The following MYO15A variants were observed in gnomAD, a reference collection of about 807,000 sequenced individuals.
The protein encoded by MYO15A is unconventional myosin-XV.
A neutral mutation model predicts 394.6 loss-of-function variants in MYO15A; 308 were observed. The observed-to-expected ratio is 0.78, with a 90% CI of 0.71 to 0.86. The LOEUF (loss-of-function observed/expected upper bound fraction) is 0.86, where lower values mean the gene tolerates loss of function less well. Ranked by LOEUF, MYO15A falls within the 40% of genes least tolerant of loss-of-function variation. The pLI is 0.00. For synonymous variants in MYO15A, 1,957 were observed against 2,003.8 expected (o/e 0.98, Z 0.62); for missense variants, 4,606 against 4,799.1 (o/e 0.96, Z 1.19).
intron 62 of MYO15A, among the ~76,000 whole-genome samples, chr17:18,171,245 G>A (rs1298573694): frequency 1.3e-5 from 2 of 152,172 alleles, no homozygotes; most frequent in Non-Finnish European, 2.9e-5. Flanking sequence ...TGCCTACCCT[G>A]ATGTTTCCTC....
chr17:18,141,194 C>A, intron 22 of MYO15A, 51 bp downstream of exon 22: 1 of 1,609,704 alleles, frequency 6.2e-7, no homozygotes, highest in Non-Finnish European at 8.5e-7. Context: ...GCCCAACTCC[C>A]CATGGCCCCA....
intron 8 of MYO15A, 29 bp downstream of exon 8, chr17:18,130,839 T>TGTGTGA: frequency 2.0e-6 from 3 of 1,511,244 alleles, no homozygotes. Context: ...TGTGTGTGTG[T>TGTGTGA]GTGTGTGTGT....
At position 18,131,285 on chromosome 17, in the gene MYO15A, C is replaced by A; in HGVS notation, c.4085C>A (p.Thr1362Asn). 6.2e-7 allele frequency: 1 copy of A among 1,614,018 alleles called. No homozygotes were observed. Among genetic ancestry groups the A allele is most frequent in the Non-Finnish European group, 8.5e-7 (1 of 1,179,968 alleles). ...TTGGAGTCCTTCGGTAATGCCAAAACCGTCAGGAACGACAACTCCAGCCGC... is the reference window on the plus strand; with the variant it reads ...TTGGAGTCCTTCGGTAATGCCAAAAACGTCAGGAACGACAACTCCAGCCGC... ...PLLESFGNAK[T>N]VRNDNSSRFG... The change falls in exon 9 of 66, where the codon ACC (threonine) becomes AAC (asparagine). Residue 1362 changes from threonine to asparagine, a missense_variant. By Grantham distance (65) the Thr-to-Asn change is moderately conservative. Transcript: ENST00000647165.
intron 56 of MYO15A, chr17:18,161,081 G>A (rs1171659931): frequency 1.5e-5 from 10 of 676,110 alleles, no homozygotes; most frequent in East Asian, 5.5e-5. Flanking sequence ...GGAAAGAGTC[G>A]CAGTGCTTCC....
intron 29 of MYO15A, among the ~76,000 whole-genome samples, chr17:18,145,060 A>G (rs946983763): frequency 6.6e-6 from 1 of 152,116 alleles, no homozygotes; most frequent in Non-Finnish European, 1.5e-5. Flanking sequence ...GAGAGTGGAG[A>G]AAGTACACAG....
rs566030709 is a variant in MYO15A at position 18,141,819 on chromosome 17, G to T, written c.5649+49G>T. 18 of 1,568,148 alleles carry T rather than the reference G, an allele frequency of 1.1e-5. No individual in the cohort carries two copies. In the Admixed American group the frequency reaches 2.0e-4, roughly 17 times the overall value. On this transcript the variant is annotated intron_variant, in intron 23 of 65. Transcript: ENST00000647165. ...CCTTGGAGACCCCAAGTTTGGGGGGGTCCACAACTACTGAGTCAGAAATGT... is the reference window on the plus strand; with the variant it reads ...CCTTGGAGACCCCAAGTTTGGGGGGTTCCACAACTACTGAGTCAGAAATGT...
intron 50 of MYO15A, chr17:18,157,477 ACCTGAGAGT>A: frequency 1.1e-6 from 1 of 893,496 alleles, no homozygotes; most frequent in Non-Finnish European, 1.7e-6. Flanking sequence ...TCTCCACATG[ACCTGAGAGT>A]CCACAAACCC....
At chr17:18,133,086 C>A in intron 11 of MYO15A, 139 bp from the exon 12 acceptor site, 9 of 837,994 alleles carry the variant, frequency 1.1e-5, no homozygotes, top group Non-Finnish European at 1.6e-5. Context: ...GTGCTCAGAG[C>A]CTCCGTGCCC....
chr17:18,163,181 G>A, intron 58 of MYO15A, 63 bp from the exon 59 acceptor site: 2 of 1,553,594 alleles, frequency 1.3e-6, no homozygotes, highest in Non-Finnish European at 1.8e-6. Flanking sequence ...CAGGGCAGGA[G>A]ACAAGGGCTG....
intron 59 of MYO15A, 76 bp downstream of exon 59, chr17:18,163,397 G>A (rs1044169062): frequency 1.3e-5 from 19 of 1,455,466 alleles, no homozygotes; most frequent in South Asian, 4.6e-5. Context: ...CAGGATGGGG[G>A]TGGAGTAAGC....
At chr17:18,141,879 G>C (rs1045872173) in intron 23 of MYO15A, 109 bp downstream of exon 23, 12 of 1,291,414 alleles carry the variant, frequency 9.3e-6, no homozygotes, top group Non-Finnish European at 1.3e-5. Context: ...GAGCAACCCA[G>C]ATGAGCTTGG....
chr17:18,150,791 GGTGGA>G lies in MYO15A; in HGVS notation c.7395+28_7395+32del, dbSNP rs1388505828. ...GTGAGTGAGGGAGGGACTGCTGGGGGGTGGAGAATGGACCTGCCTGGTCACCACTG... is the reference window on the plus strand; with the variant it reads ...GTGAGTGAGGGAGGGACTGCTGGGGGGAATGGACCTGCCTGGTCACCACTG... On this transcript the variant is annotated intron_variant, in intron 37 of 65. Transcript: ENST00000647165. This position sits in a 1 kb window ranked among gnomAD's most constrained non-coding sequence, Gnocchi z 4.4. The G allele has an allele frequency of 1.3e-6, 2 of 1,581,554 alleles. No individual in the cohort carries two copies. Among genetic ancestry groups the G allele is most frequent in the Admixed American group, 3.6e-5 (2 of 55,666 alleles).
chr17:18,114,805 G>A (rs2045764702), intron 1 of MYO15A, among the ~76,000 whole-genome samples: 2 of 152,074 alleles, frequency 1.3e-5, no homozygotes, highest in Non-Finnish European at 2.9e-5. Flanking sequence ...CTGGCTTCGT[G>A]GTGCTCACTC....
intron 1 of MYO15A, among the ~76,000 whole-genome samples, chr17:18,113,739 C>CAA (rs72282387): frequency 3.3e-5 from 4 of 119,414 alleles, no homozygotes; most frequent in Admixed American, 8.6e-5. Flanking sequence ...GAGACTGTCT[C>CAA]AAAAAAAAAA....
At chr17:18,130,868 G>GTGTGTC (rs1403173028) in intron 8 of MYO15A, 58 bp downstream of exon 8, 100 of 1,446,158 alleles carry the variant, frequency 6.9e-5, no homozygotes, top group African/African-American at 6.2e-4. Flanking sequence ...GTGTGTGTGT[G>GTGTGTC]TGTCTGTCCA....
At chr17:18,165,515 G>C (rs1290431765) in intron 60 of MYO15A, among the ~76,000 whole-genome samples, 2 of 152,162 alleles carry the variant, frequency 1.3e-5, no homozygotes, top group Admixed American at 6.5e-5. Context: ...CTCCTCCTCT[G>C]ATTCTGACCC....
In MYO15A at chr17:18,171,661, C is replaced by T; in HGVS notation, c.10106C>T (p.Pro3369Leu). ...AGGCGGGAAGTCCAGGAGTACATCCCAGCCCAGCTCTACCGTACAACGGCA... is the reference window on the plus strand; with the variant it reads ...AGGCGGGAAGTCCAGGAGTACATCCTAGCCCAGCTCTACCGTACAACGGCA... ...PSVREVQEYI[P>L]AQLYRTTAGS... The change falls in exon 63 of 66, where the codon CCA (proline) becomes CTA (leucine). Residue 3369 changes from proline (P) to leucine (L), a missense_variant. Transcript: ENST00000647165. The T allele has an allele frequency of 6.2e-7, 1 of 1,613,892 alleles. No individual in the cohort carries two copies.
At chr17:18,131,026 C>T (rs1480404886) in intron 8 of MYO15A, among the ~76,000 whole-genome samples, 1 of 151,484 alleles carries the variant, frequency 6.6e-6, no homozygotes, top group East Asian at 1.9e-4. Context: ...AAGCATGGGG[C>T]TTGCTGTGTG....
rs1190191679 is a variant in MYO15A, at chr17:18,119,880, C to G, written c.1080C>G (p.Tyr360Ter). ...DAPYPPYDLP[Y>*]HTPYDVPYFD... ...CATACCCACCCTATGACCTCCCATA[C>G]CACACTCCCTACGATGTACCCTACT... Residue 360 changes from tyrosine (Y) to a stop codon, truncating the protein, a stop_gained, in exon 2 of 66, where the codon TAC becomes TAG. Transcript: ENST00000647165. LOFTEE classifies it high-confidence loss of function. 1.9e-6 allele frequency: 3 copies of G among 1,613,240 alleles called. No individual in the cohort carries two copies. Among genetic ancestry groups the G allele is most frequent in the Non-Finnish European group, 2.5e-6 (3 of 1,180,004 alleles).
Sources: gnomAD v4.1 joint callset for allele counts (sites outside exome capture counted in the v4.1 genomes callset) on GRCh38, gnomAD v4.1.1 for gene constraint, Gnocchi (gnomAD v3.1) non-coding constraint, MANE v1.5 for transcripts, NCBI Gene and HGNC (gene_info 2026-07-23, HGNC 2026-07-21) for gene names.